GRIP1: variants seen among roughly 807,000 people sequenced by gnomAD.
The protein encoded by GRIP1 is glutamate receptor-interacting protein 1.
GRIP1 carries 45 observed loss-of-function variants against 129.9 expected under a neutral mutation model. The observed-to-expected ratio is 0.35, with a 90% confidence interval of 0.27 to 0.44. GRIP1 has a LOEUF of 0.44. Among genes scored for constraint, GRIP1 ranks in the 20% least tolerant of loss-of-function variants. The probability of loss-of-function intolerance (pLI) is 1.00; values close to 1 mark genes in which losing one functional copy is unlikely to be tolerated. For missense variants in GRIP1, 1,196 were observed against 1,396.8 expected (o/e 0.86, Z 2.29); for synonymous variants, 530 against 520.8 (o/e 1.02, Z -0.24).
chr12:66,599,639 T>G (rs752060995), intron 1 of GRIP1, among the ~76,000 whole-genome samples: 1 of 152,124 alleles, frequency 6.6e-6, no homozygotes, highest in African/African-American at 2.4e-5. Context: ...GGCTCCACAG[T>G]AGGATACTAA....
At chr12:66,460,656 C>A (rs1380702357) in intron 9 of GRIP1, among the ~76,000 whole-genome samples, 2 of 152,200 alleles carry the variant, frequency 1.3e-5, no homozygotes, top group Admixed American at 6.5e-5. Context: ...CATTTCCACA[C>A]TGGCCTGAAA....
chr12:66,900,730 T>C (rs189911482), intron 1 of GRIP1, among the ~76,000 whole-genome samples: 6 of 152,274 alleles, frequency 3.9e-5, no homozygotes, highest in Admixed American at 3.3e-4. Flanking sequence ...CTGCTTCACA[T>C]AGCCTTCCCG....
chr12:66,473,056 C>A (rs2059486384), intron 7 of GRIP1, among the ~76,000 whole-genome samples: 1 of 152,188 alleles, frequency 6.6e-6, no homozygotes, highest in Non-Finnish European at 1.5e-5. Flanking sequence ...CCATGGAGCC[C>A]AGCAAGCTAA....
At chr12:66,888,487 G>C (rs1453481224) in intron 1 of GRIP1, among the ~76,000 whole-genome samples, 2 of 152,184 alleles carry the variant, frequency 1.3e-5, no homozygotes, top group East Asian at 1.9e-4. Flanking sequence ...AGGCTCCCAA[G>C]TAGCTGGGAC....
chr12:66,814,321 T>C (rs886663140), intron 1 of GRIP1, among the ~76,000 whole-genome samples: 7 of 152,078 alleles, frequency 4.6e-5, no homozygotes, highest in African/African-American at 1.7e-4. Flanking sequence ...GATTGGTACA[T>C]AGCAAGAAAA....
chr12:66,912,860 T>C (rs2041053453), intron 1 of GRIP1, among the ~76,000 whole-genome samples: 1 of 152,166 alleles, frequency 6.6e-6, no homozygotes, highest in South Asian at 2.1e-4. Flanking sequence ...GCATGACTAT[T>C]ATTTTCTTTC....
chr12:66,400,088 G>A lies in GRIP1; in HGVS notation c.1985-5736C>T, dbSNP rs556390797. On this transcript the variant is annotated intron_variant, in intron 16 of 24. Transcript: ENST00000359742. ...TGTTTGTGACAGCATTTCTCAAAGT[G>A]TAGTTCTAGGACTAGCAGTTTTGGC... Among the ~76,000 whole-genome samples, 16 of 152,048 alleles carry A rather than the reference G, an allele frequency of 1.1e-4. No homozygotes were observed. The South Asian group carries it at 1.5e-3, about 14-fold the overall frequency.
intron 7 of GRIP1, among the ~76,000 whole-genome samples, chr12:66,507,436 T>C (rs1295120072): frequency 1.7e-5 from 2 of 121,076 alleles, no homozygotes; most frequent in Non-Finnish European, 3.5e-5. Flanking sequence ...AGACTCCATT[T>C]CAAAAAAAGA....
At chr12:66,528,248 C>A (rs1168091601) in intron 5 of GRIP1, among the ~76,000 whole-genome samples, 1 of 151,342 alleles carries the variant, frequency 6.6e-6, no homozygotes, top group African/African-American at 2.4e-5. Flanking sequence ...CATTCTCCTG[C>A]CTCAGCCTCC....
At chr12:66,355,730 C>T (rs1406879513) in intron 23 of GRIP1, among the ~76,000 whole-genome samples, 1 of 151,994 alleles carries the variant, frequency 6.6e-6, no homozygotes, top group Non-Finnish European at 1.5e-5. Context: ...GATCCCCACT[C>T]CCCAGCTCCT....
At chr12:67,010,126 C>T (rs1475982014) in intron 1 of GRIP1, among the ~76,000 whole-genome samples, 3 of 151,968 alleles carry the variant, frequency 2.0e-5, no homozygotes, top group African/African-American at 7.3e-5. Context: ...AGATTTTAAT[C>T]AGTGATTCAG....
intron 1 of GRIP1, among the ~76,000 whole-genome samples, chr12:66,784,587 G>C (rs2038260700): frequency 1.3e-5 from 2 of 152,050 alleles, no homozygotes; most frequent in Admixed American, 1.3e-4. Context: ...ACTGCAGTTA[G>C]CACCTAATCT....
intron 1 of GRIP1, among the ~76,000 whole-genome samples, chr12:66,857,019 T>C (rs1592906719): frequency 6.6e-6 from 1 of 152,120 alleles, no homozygotes; most frequent in East Asian, 1.9e-4. Flanking sequence ...GTGACACATA[T>C]ACACCATGGA....
chr12:66,618,002 A>T (rs1207342911), intron 1 of GRIP1, among the ~76,000 whole-genome samples: 3 of 152,116 alleles, frequency 2.0e-5, no homozygotes, highest in African/African-American at 7.2e-5. Flanking sequence ...TTTGACCCAG[A>T]ATTCTACTAC....
Position 67,068,756 on chromosome 12 carries a change from G to C in GRIP1, c.58+294C>G, listed in dbSNP as rs1221641222. ...CCACGTGCGAGCGGGCCCTGCAGAA[G>C]CTGGAGTTTCCCCTACATCCTCGCC... On this transcript the variant is annotated intron_variant, in intron 1 of 1. Coordinates refer to the GRIP1 transcript ENST00000643019. Among the ~76,000 whole-genome samples, 26 of 142,922 alleles carry C rather than the reference G, an allele frequency of 1.8e-4. No homozygotes were observed. The East Asian group carries it at 5.2e-3, about 29-fold the overall frequency. The allele number at this position is 142,922 out of a possible 152,430, so 93.8% of individuals were successfully genotyped here.
intron 2 of GRIP1, among the ~76,000 whole-genome samples, chr12:66,561,608 G>T (rs921272861): frequency 9.9e-5 from 15 of 152,100 alleles, no homozygotes; most frequent in African/African-American, 3.4e-4. Flanking sequence ...AAAAATATTT[G>T]CAAATGGTTC....
chr12:66,796,704 T>G (rs1344636645), intron 1 of GRIP1, among the ~76,000 whole-genome samples: 2 of 152,170 alleles, frequency 1.3e-5, no homozygotes. Flanking sequence ...GAATGACTCT[T>G]GACACGTGCA....
chr12:66,739,092 G>A (rs887864233), intron 1 of GRIP1, among the ~76,000 whole-genome samples: 1 of 152,100 alleles, frequency 6.6e-6, no homozygotes, highest in African/African-American at 2.4e-5. Context: ...CTCTGGTCAC[G>A]ATAAAATTCT....
In GRIP1 at chr12:66,713,252, G is replaced by A. The variant is rs550109075; in HGVS notation, c.-419-82916C>T. ...CAGAGCCAAAGCAGAAGGTACTTAAGAAATAGAGCATCTCTTATGATTCAA... is the reference window on the plus strand; with the variant it reads ...CAGAGCCAAAGCAGAAGGTACTTAAAAAATAGAGCATCTCTTATGATTCAA... On this transcript the variant is annotated intron_variant, in intron 1 of 4. Coordinates refer to the GRIP1 transcript ENST00000538373. Among the ~76,000 whole-genome samples, 29 of 152,120 alleles carry A rather than the reference G, an allele frequency of 1.9e-4. 1 individual carries two copies. The East Asian group carries it at 5.2e-3, about 27-fold the overall frequency.
Sources: allele counts gnomAD v4.1 joint callset (sites outside exome capture counted in the v4.1 genomes callset), GRCh38; gene constraint gnomAD v4.1.1; transcripts MANE v1.5; gene names NCBI Gene and HGNC (gene_info 2026-07-23, HGNC 2026-07-21).